The following PDE8A variants were observed in gnomAD, a reference collection of about 807,000 sequenced individuals.
PDE8A encodes the protein high affinity cAMP-specific and IBMX-insensitive 3',5'-cyclic phosphodiesterase 8A.
PDE8A carries 59 observed loss-of-function variants against 105.0 expected under a neutral mutation model. The observed-to-expected ratio is 0.56, with a 90% CI of 0.46 to 0.70. The LOEUF (loss-of-function observed/expected upper bound fraction) is 0.70. Among genes scored for constraint, PDE8A ranks in the 30% least tolerant of loss-of-function variants. PDE8A has a pLI of 0.00. For missense variants in PDE8A, 1,014 were observed against 1,045.9 expected, an observed-to-expected ratio of 0.97 and a Z score of 0.42; for synonymous variants, 355 against 371.9, an observed-to-expected ratio of 0.95 and a Z score of 0.52.
chr15:85,076,856 C>G, intron 5 of PDE8A, 69 bp downstream of exon 5: 1 of 1,014,322 alleles, frequency 9.9e-7, no homozygotes, highest in Admixed American at 1.7e-5. Context: ...CAGTTCAGTA[C>G]CCAGCAAAAG....
chr15:85,004,392 T>G (rs1178312266), intron 1 of PDE8A, among the ~76,000 whole-genome samples: 1 of 152,162 alleles, frequency 6.6e-6, no homozygotes, highest in African/African-American at 2.4e-5. Context: ...CCAATCAGAC[T>G]ATGGAGTGGT....
At chr15:85,028,445 C>A (rs981038740) in intron 1 of PDE8A, among the ~76,000 whole-genome samples, 1 of 152,016 alleles carries the variant, frequency 6.6e-6, no homozygotes, top group African/African-American at 2.4e-5. Flanking sequence ...GAGCTCCTGG[C>A]CTCAAGTGAT....
At chr15:85,094,428 C>T (rs894639876) in intron 8 of PDE8A, among the ~76,000 whole-genome samples, 4 of 152,234 alleles carry the variant, frequency 2.6e-5, no homozygotes, top group Non-Finnish European at 4.4e-5. Context: ...ACTGTTGTCC[C>T]TCAGAATGTT....
At chr15:85,045,523 T>C (rs1037034144) in intron 1 of PDE8A, among the ~76,000 whole-genome samples, 4 of 152,242 alleles carry the variant, frequency 2.6e-5, no homozygotes, top group African/African-American at 9.6e-5. Flanking sequence ...TTAATGAGCT[T>C]ACCTTGCTCA....
chr15:85,137,811 C>T lies in PDE8A; in HGVS notation c.2398C>T (p.Pro800Ser), dbSNP rs1160494262. The part of the protein sequence containing the change: ...FDAWDAFVDL[P>S]DLMQHLDNNF... The stretch of plus-strand genomic sequence containing the variant: ...TTTCTCTCCAGCCTTTGTAGACCTG[C>T]CTGATTTAATGCAGCATCTTGACAA... The change falls in exon 22 of 22, where the codon CCT becomes TCT. Residue 800 changes from proline (P) to serine (S), a missense_variant. Pro to Ser is a moderately conservative substitution (Grantham distance 74, BLOSUM62 -1). Transcript: ENST00000394553. 6.2e-7 allele frequency: 1 copy of T among 1,609,268 alleles called. No individual in the cohort carries two copies. The highest frequency in any genetic ancestry group is 8.5e-7 in the Non-Finnish European group (1 of 1,175,660).
chr15:85,126,116 C>T, intron 19 of PDE8A, 91 bp from the exon 20 acceptor site: 1 of 865,388 alleles, frequency 1.2e-6, no homozygotes, highest in Admixed American at 2.5e-5. Context: ...GACTAGTGCT[C>T]TTTTTATGCT....
chr15:85,122,748 G>A (rs1362074139), intron 18 of PDE8A, among the ~76,000 whole-genome samples: 1 of 152,070 alleles, frequency 6.6e-6, no homozygotes, highest in Admixed American at 6.5e-5. Flanking sequence ...AAAATGGTTG[G>A]GCCTCAAGAC....
intron 7 of PDE8A, 151 bp downstream of exon 7, chr15:85,089,567 A>G (rs989383832): frequency 1.9e-6 from 1 of 536,920 alleles, no homozygotes; most frequent in Non-Finnish European, 3.3e-6. Context: ...AAAATCAAAT[A>G]TGTAATTTAA....
chr15:85,066,617 C>T (rs1367190302), intron 2 of PDE8A, among the ~76,000 whole-genome samples: 1 of 100,470 alleles, frequency 1.0e-5, no homozygotes, highest in African/African-American at 5.8e-5. Context: ...CACACACACA[C>T]ACACACACAC....
intron 11 of PDE8A, among the ~76,000 whole-genome samples, chr15:85,104,850 A>T (rs1422709825): frequency 6.6e-6 from 1 of 152,126 alleles, no homozygotes; most frequent in Non-Finnish European, 1.5e-5. Flanking sequence ...GTCCAGCAAT[A>T]ATAGACGTGA....
chr15:85,071,892 C>G (rs1457391224), intron 3 of PDE8A, among the ~76,000 whole-genome samples: 1 of 152,150 alleles, frequency 6.6e-6, no homozygotes, highest in Non-Finnish European at 1.5e-5. Flanking sequence ...TTATAAGACA[C>G]TGTAGAACCT....
intron 5 of PDE8A, among the ~76,000 whole-genome samples, chr15:85,077,990 C>G (rs1015330560): frequency 3.3e-5 from 5 of 151,568 alleles, no homozygotes; most frequent in Admixed American, 1.3e-4. Flanking sequence ...AACTGGAGTT[C>G]CAGGAGAAGA....
rs116012174 is a variant in PDE8A, at chr15:85,044,113, G to A, written c.187-20257G>A. Among the ~76,000 whole-genome samples the A allele has an allele frequency of 5.9e-3, 894 of 152,258 alleles. 7 individuals are homozygous for A. The highest frequency in any genetic ancestry group is 0.021 in the African/African-American group (854 of 41,540). Reference sequence around the variant, plus strand: ...AGCAAAAGCTTCTTGGAAAATATTTGCTGTAGATATTTAGAATTTATTGGG... The same window carrying A: ...AGCAAAAGCTTCTTGGAAAATATTTACTGTAGATATTTAGAATTTATTGGG... On this transcript the variant is annotated intron_variant, in intron 1 of 21. Coordinates refer to ENST00000394553, the MANE Select transcript of PDE8A (RefSeq NM_002605.3).
Position 85,086,854 on chromosome 15 carries a change from G to A in PDE8A, c.636-2484G>A, listed in dbSNP as rs369197665. Among the ~76,000 whole-genome samples, 10 of 151,800 alleles carry A rather than the reference G, an allele frequency of 6.6e-5. No individual in the cohort carries two copies. The East Asian group carries it at 9.8e-4, about 15-fold the overall frequency. On this transcript the variant is annotated intron_variant, in intron 6 of 21. Coordinates refer to ENST00000394553, the MANE Select transcript of PDE8A (RefSeq NM_002605.3). ...CAACCTTCACCTCCCAGGTTCAAGC[G>A]ATTCTCCTGCCTCAGCCTCCCAAGT...
chr15:85,079,614 T>C (rs548598410), intron 5 of PDE8A, among the ~76,000 whole-genome samples: 1 of 152,178 alleles, frequency 6.6e-6, no homozygotes, highest in East Asian at 1.9e-4. Context: ...CAAAGTCAGA[T>C]AGAAAGAATA....
chr15:85,035,096 G>A (rs755836077), intron 1 of PDE8A, among the ~76,000 whole-genome samples: 44 of 151,472 alleles, frequency 2.9e-4, no homozygotes, highest in African/African-American at 9.2e-4. Context: ...TCAAGAAGTC[G>A]GACCTTATAT....
intron 8 of PDE8A, among the ~76,000 whole-genome samples, chr15:85,092,505 C>G (rs1417919952): frequency 6.6e-6 from 1 of 152,054 alleles, no homozygotes; most frequent in Non-Finnish European, 1.5e-5. Context: ...GGCCACAGAG[C>G]AGCAGTCATC....
chr15:85,098,077 T>C (rs999902373), intron 9 of PDE8A, 41 bp downstream of exon 9: 1 of 1,172,380 alleles, frequency 8.5e-7, no homozygotes, highest in Admixed American at 1.8e-5. Context: ...CATACAGTGT[T>C]TTGGGTTATT....
chr15:85,114,002 C>T lies in PDE8A; in HGVS notation c.1315C>T (p.Pro439Ser). 3.7e-6 allele frequency: 6 copies of T among 1,613,968 alleles called. No homozygotes were observed. Among genetic ancestry groups the T allele is most frequent in the Non-Finnish European group, 5.1e-6 (6 of 1,179,790 alleles). ...SPQFGAKDDD[P>S]HANDLVGGLM... Reference sequence around the variant, plus strand: ...ACAGTTTGGTGCTAAAGATGATGATCCCCATGCCAATGACCTTGTTGGGGG... The same window carrying T: ...ACAGTTTGGTGCTAAAGATGATGATTCCCATGCCAATGACCTTGTTGGGGG... Residue 439 changes from proline (P) to serine (S), a missense_variant, in exon 14 of 22, where the codon CCC becomes TCC. Pro to Ser is a moderately conservative substitution (Grantham distance 74). Coordinates refer to ENST00000394553, the MANE Select transcript of PDE8A (RefSeq NM_002605.3).
Sources: allele counts gnomAD v4.1 joint callset (sites outside exome capture counted in the v4.1 genomes callset), GRCh38; gene constraint gnomAD v4.1.1; transcripts MANE v1.5; gene names NCBI Gene and HGNC (gene_info 2026-07-23, HGNC 2026-07-21).